ASPA: variants seen among roughly 807,000 people sequenced by gnomAD.
ASPA encodes ACY-2.
A neutral mutation model predicts 29.6 loss-of-function variants in ASPA; 25 were observed. The ratio of observed to expected loss-of-function variants is 0.85; its 90% CI spans 0.62 to 1.18. The LOEUF (loss-of-function observed/expected upper bound fraction) is 1.18. Among genes scored for constraint, ASPA ranks in the 50% most tolerant of loss-of-function variants. The pLI, the probability that ASPA is intolerant of heterozygous loss-of-function variation, is 0.00. For synonymous variants in ASPA, 131 were observed against 130.3 expected (o/e 1.01, Z -0.04); for missense variants, 333 against 385.7 (o/e 0.86, Z 1.14).
chr17:3,498,520 C>T (rs972299951), intron 5 of ASPA, among the ~76,000 whole-genome samples: 12 of 151,914 alleles, frequency 7.9e-5, no homozygotes, highest in African/African-American at 2.4e-4. Context: ...GCTAATTTTT[C>T]GTATTTTTTC....
intron 4 of ASPA, among the ~76,000 whole-genome samples, chr17:3,492,783 C>T (rs188914877): frequency 6.6e-6 from 1 of 152,226 alleles, no homozygotes; most frequent in East Asian, 1.9e-4. Context: ...AACAGTAAGG[C>T]CATCCCATAG....
At chr17:3,487,520 G>A (rs543009166) in intron 3 of ASPA, among the ~76,000 whole-genome samples, 3 of 152,310 alleles carry the variant, frequency 2.0e-5, no homozygotes, top group South Asian at 4.1e-4. Flanking sequence ...ATTGATATTT[G>A]AGAGTTTGGA....
chr17:3,502,730 C>T lies in ASPA; in HGVS notation c.*3642C>T, dbSNP rs1207680950. ...GGAGCAGAGAACCTCCTTCAGACAC[C>T]TCACGCACCCCCTGAGGAGCTAATG... On this transcript the variant is annotated 3_prime_UTR_variant, in exon 6 of 6. Transcript: ENST00000263080. The T allele has an allele frequency of 1.3e-5, 2 of 152,400 alleles. No individual in the cohort carries two copies. Among genetic ancestry groups the T allele is most frequent in the Non-Finnish European group, 2.9e-5 (2 of 68,064 alleles). 9.4% of individuals were successfully genotyped at this position (152,400 alleles called of 1,614,324 possible).
chr17:3,499,183 A>G lies in ASPA; in HGVS notation c.*95A>G. On this transcript the variant is annotated 3_prime_UTR_variant, in exon 6 of 6. Transcript: ENST00000263080. Reference sequence around the variant, plus strand: ...AGGGTTGTGCCTTATTCAACTGCATACATAGCTCCTAGCACAGTGCCTTAT... The same window carrying G: ...AGGGTTGTGCCTTATTCAACTGCATGCATAGCTCCTAGCACAGTGCCTTAT... 2.2e-6 allele frequency: 3 copies of G among 1,354,480 alleles called. No homozygotes were observed. Among genetic ancestry groups the G allele is most frequent in the South Asian group, 1.3e-5 (1 of 79,496 alleles). The allele number at this position is 1,354,480 out of a possible 1,614,324, so 83.9% of individuals were successfully genotyped here.
chr17:3,498,667 C>T (rs1052352993), intron 5 of ASPA, among the ~76,000 whole-genome samples: 8 of 152,268 alleles, frequency 5.3e-5, no homozygotes, highest in Admixed American at 2.0e-4. Context: ...GTTAATTACA[C>T]GTTTCAATTA....
intron 2 of ASPA, among the ~76,000 whole-genome samples, chr17:3,483,076 G>C (rs1427562523): frequency 1.3e-5 from 2 of 151,810 alleles, no homozygotes; most frequent in Non-Finnish European, 2.9e-5. Flanking sequence ...AGATAAGCAG[G>C]AGGAGGGGGA....
chr17:3,494,480 A>T lies in ASPA; in HGVS notation c.744+21A>T, dbSNP rs767226527. 27 of 1,545,580 alleles carry T rather than the reference A, an allele frequency of 1.7e-5. No individual in the cohort carries two copies. The African/African-American group carries it at 3.7e-4, about 21-fold the overall frequency. On this transcript the variant is annotated intron_variant, in intron 5 of 5. Transcript: ENST00000263080. ...TGCAGGTAACATTTGTTCTTTCTTT[A>T]AAATGTTGAAAATAATAATGCTGTA...
At chr17:3,495,093 A>G (rs190184621) in intron 5 of ASPA, among the ~76,000 whole-genome samples, 161 of 149,148 alleles carry the variant, frequency 1.1e-3, no homozygotes, top group African/African-American at 3.7e-3. Flanking sequence ...GTGAAGAAGG[A>G]AAAAAAAAAG....
chr17:3,493,656 A>T (rs2073862810), intron 4 of ASPA, among the ~76,000 whole-genome samples: 2 of 152,092 alleles, frequency 1.3e-5, no homozygotes, highest in Admixed American at 1.3e-4. Flanking sequence ...CAGTCATAAA[A>T]CATCATAGCT....
intron 1 of ASPA, among the ~76,000 whole-genome samples, chr17:3,479,322 C>T (rs1216953833): frequency 1.3e-5 from 2 of 152,120 alleles, no homozygotes; most frequent in Admixed American, 6.5e-5. Flanking sequence ...TACTCAAATG[C>T]GGAAGAATGA....
chr17:3,483,615 A>G (rs746184098), intron 3 of ASPA, 23 bp downstream of exon 3: 7 of 1,562,662 alleles, frequency 4.5e-6, no homozygotes, highest in African/African-American at 1.4e-5. Flanking sequence ...TCCCACTGTC[A>G]TAACTCAATA....
chr17:3,474,819 A>G (rs1426754350), upstream of ASPA, among the ~76,000 whole-genome samples: 1 of 152,234 alleles, frequency 6.6e-6, no homozygotes, highest in Non-Finnish European at 1.5e-5. Flanking sequence ...TAGAACTGTG[A>G]AGAAGACCAA....
rs898374099 is a variant in ASPA at position 3,490,687 on chromosome 17, A to G, written c.634+1345A>G. ...TGGAACTGGTTTTGAGAAGATCACA[A>G]CATACTTACAATAAACCCTCTGAAT... On this transcript the variant is annotated intron_variant, in intron 4 of 5. Coordinates refer to ENST00000263080, the MANE Select transcript of ASPA (RefSeq NM_000049.4). The surrounding 1 kb of genome is among the most constrained non-coding windows in gnomAD (Gnocchi z 4.6). Among the ~76,000 whole-genome samples, 1 of 152,218 alleles carries G rather than the reference A, an allele frequency of 6.6e-6. No homozygotes were observed. Among genetic ancestry groups the G allele is most frequent in the Non-Finnish European group, 1.5e-5 (1 of 68,044 alleles).
rs1298690862 is a variant in ASPA, at chr17:3,490,369, A to G, written c.634+1027A>G. On this transcript the variant is annotated intron_variant, in intron 4 of 5. Transcript: ENST00000263080. The surrounding 1 kb of genome is among the most constrained non-coding windows in gnomAD (Gnocchi z 4.6). ...TAAAAAGTCTATTAGTTATAAAAAA[A>G]GTTTACTTTAAAATGGAAAATAGTT... Among the ~76,000 whole-genome samples, 1 of 152,248 alleles carries G rather than the reference A, an allele frequency of 6.6e-6. No homozygotes were observed. The highest frequency in any genetic ancestry group is 1.5e-5 in the Non-Finnish European group (1 of 68,042).
At chr17:3,487,715 T>G (rs1418919602) in intron 3 of ASPA, among the ~76,000 whole-genome samples, 1 of 152,204 alleles carries the variant, frequency 6.6e-6, no homozygotes, top group Non-Finnish European at 1.5e-5. Flanking sequence ...GACTAGGGGA[T>G]TATTATGATT....
Position 3,502,785 on chromosome 17 carries a change from G to A in ASPA, c.*3697G>A, listed in dbSNP as rs979488829. 6.6e-5 allele frequency: 10 copies of A among 152,210 alleles called. No individual in the cohort carries two copies. Among genetic ancestry groups the A allele is most frequent in the African/African-American group, 2.4e-4 (10 of 41,438 alleles). 9.4% of individuals were successfully genotyped at this position (152,210 alleles called of 1,614,324 possible). A position where few individuals can be genotyped will look rare whatever the true frequency, so the allele number is the denominator to read the frequency against. On this transcript the variant is annotated 3_prime_UTR_variant, in exon 6 of 6. Transcript: ENST00000263080. Reference sequence around the variant, plus strand: ...TTCCCAACATGGAAAATTTGGAAGAGGCCTATTCTTCACAGCTGTCACTTC... The same window carrying A: ...TTCCCAACATGGAAAATTTGGAAGAAGCCTATTCTTCACAGCTGTCACTTC...
chr17:3,493,995 A>G (rs553215663), intron 4 of ASPA, among the ~76,000 whole-genome samples: 25 of 150,146 alleles, frequency 1.7e-4, no homozygotes, highest in African/African-American at 4.7e-4. Flanking sequence ...TGCTGTTGTT[A>G]TTATTGTTTC....
chr17:3,483,694 G>GA, intron 3 of ASPA, 102 bp downstream of exon 3: 5 of 1,149,442 alleles, frequency 4.3e-6, no homozygotes, highest in Non-Finnish European at 6.4e-6. Context: ...ACAGAGTCTT[G>GA]CTCTGTCACC....
intron 4 of ASPA, 37 bp downstream of exon 4, chr17:3,489,379 C>T: frequency 2.7e-6 from 4 of 1,487,292 alleles, no homozygotes; most frequent in Non-Finnish European, 3.8e-6. Flanking sequence ...CAAACTTAAC[C>T]ACCAAACATT....
Sources: allele counts gnomAD v4.1 joint callset (sites outside exome capture counted in the v4.1 genomes callset), GRCh38; gene constraint gnomAD v4.1.1; non-coding constraint Gnocchi (gnomAD v3.1); transcripts MANE v1.5; gene names NCBI Gene and HGNC (gene_info 2026-07-23, HGNC 2026-07-21).